The following ACVR1C variants were observed in gnomAD, a reference collection of about 807,000 sequenced individuals.
The protein encoded by ACVR1C is activin receptor type-1C.
Under a neutral mutation model 57.9 loss-of-function variants are expected in ACVR1C, and 23 were observed. That is an observed-to-expected ratio of 0.40 (90% CI 0.29 to 0.56). The LOEUF is 0.56. Ranked by LOEUF, ACVR1C falls within the 20% of genes least tolerant of loss-of-function variation. The probability of loss-of-function intolerance (pLI) is 0.50; values close to 1 mark genes in which losing one functional copy is unlikely to be tolerated. For missense variants in ACVR1C, 480 were observed against 607.9 expected (o/e 0.79, Z 2.21); for synonymous variants, 214 against 215.3 (o/e 0.99, Z 0.05).
intron 8 of ACVR1C, among the ~76,000 whole-genome samples, chr2:157,537,328 C>T (rs1307262595): frequency 1.3e-5 from 2 of 151,812 alleles, no homozygotes; most frequent in African/African-American, 4.8e-5. Flanking sequence ...AGTGGATTCA[C>T]TAGTTTTCAT....
chr2:157,589,809 G>T (rs1320775406), intron 1 of ACVR1C, among the ~76,000 whole-genome samples: 2 of 151,842 alleles, frequency 1.3e-5, no homozygotes, highest in African/African-American at 4.8e-5. Context: ...AACCAAAACG[G>T]CATGGTACTG....
At chr2:157,554,911 ATATATATATATGGAATCCCC>A (rs895675989) in intron 3 of ACVR1C, among the ~76,000 whole-genome samples, 14 of 151,358 alleles carry the variant, frequency 9.2e-5, no homozygotes, top group African/African-American at 3.1e-4. Context: ...ATTTCTGGAT[ATATATATATATGGAATCCCC>A]TACCATTTTA....
intron 2 of ACVR1C, among the ~76,000 whole-genome samples, chr2:157,575,237 TC>T (rs2105244451): frequency 6.6e-6 from 1 of 151,844 alleles, no homozygotes; most frequent in African/African-American, 2.4e-5. Flanking sequence ...CAAGCGATTC[TC>T]CTGTCTCAGC....
intron 3 of ACVR1C, among the ~76,000 whole-genome samples, chr2:157,554,093 G>A (rs1045952912): frequency 1.3e-5 from 2 of 150,204 alleles, no homozygotes; most frequent in Non-Finnish European, 1.5e-5. Context: ...TCAGGTAGGA[G>A]AATCACTTGA....
rs764737212 is a variant in ACVR1C at position 157,544,626 on chromosome 2, G to T, written c.776-14C>A. 1.3e-6 allele frequency: 2 copies of T among 1,592,182 alleles called. No individual in the cohort carries two copies. The highest frequency in any genetic ancestry group is 1.7e-6 in the Non-Finnish European group (2 of 1,165,812). On this transcript the variant is annotated splice_polypyrimidine_tract_variant and intron_variant, in intron 4 of 8. Coordinates refer to ENST00000243349, the MANE Select transcript of ACVR1C (RefSeq NM_145259.3). ...AAGTTCCATTATCTAACAAGAAAATGTAATTTTGTTGTTGTAAATACATAT... is the reference window on the plus strand; with the variant it reads ...AAGTTCCATTATCTAACAAGAAAATTTAATTTTGTTGTTGTAAATACATAT...
At chr2:157,595,362 A>T (rs1682067707) in intron 1 of ACVR1C, among the ~76,000 whole-genome samples, 1 of 152,168 alleles carries the variant, frequency 6.6e-6, no homozygotes, top group Admixed American at 6.5e-5. Context: ...TTGTTTCCTT[A>T]GGGAGGATAC....
At chr2:157,550,064 T>G in intron 4 of ACVR1C, 98 bp downstream of exon 4, 1 of 1,037,742 alleles carries the variant, frequency 9.6e-7, no homozygotes, top group Non-Finnish European at 1.4e-6. Flanking sequence ...GTGAATTTAT[T>G]TTTTCTTATC....
intron 2 of ACVR1C, among the ~76,000 whole-genome samples, chr2:157,583,074 T>C (rs774757521): frequency 1.3e-5 from 2 of 152,052 alleles, no homozygotes; most frequent in African/African-American, 2.4e-5. Context: ...TTGGCCAGGC[T>C]GGTCTCATAC....
intron 2 of ACVR1C, among the ~76,000 whole-genome samples, chr2:157,577,981 C>A (rs1160469783): frequency 6.6e-6 from 1 of 152,160 alleles, no homozygotes; most frequent in African/African-American, 2.4e-5. Flanking sequence ...CGGCTCACTG[C>A]ATCCTTGACT....
chr2:157,564,236 C>T (rs892853519), intron 2 of ACVR1C, among the ~76,000 whole-genome samples: 1 of 152,044 alleles, frequency 6.6e-6, no homozygotes, highest in African/African-American at 2.4e-5. Context: ...GTCCAGTATC[C>T]AGAATCTACA....
chr2:157,541,234 T>G lies in ACVR1C; in HGVS notation c.1101-20A>C. On this transcript the variant is annotated intron_variant, in intron 6 of 8. Transcript: ENST00000243349. The stretch of plus-strand genomic sequence containing the variant: ...ATATACCTTCAAAAACATGTACATT[T>G]CAGATTCTGTCTATGACTTTATAGC... The G allele has an allele frequency of 6.2e-7, 1 of 1,607,438 alleles. No individual in the cohort carries two copies. Among genetic ancestry groups the G allele is most frequent in the Non-Finnish European group, 8.5e-7 (1 of 1,177,640 alleles).
chr2:157,617,165 T>A (rs1183891069), intron 1 of ACVR1C, among the ~76,000 whole-genome samples: 2 of 151,948 alleles, frequency 1.3e-5, no homozygotes, highest in East Asian at 1.9e-4. Flanking sequence ...ACTATTAGAG[T>A]AGACTTCCAG....
rs55920843 is a variant in ACVR1C, at chr2:157,556,189, T to G, written c.448A>C (p.Asn150His). Reference protein sequence around the residue: ...QCSYRKKKRPNVEEPLSECNL... With the variant: ...QCSYRKKKRPHVEEPLSECNL... ...CACTCAGAGAGTGGTTCCTCCACAT[T>G]TGGTCTCTTTTTCTTCCTGTAGGAG... The change falls in exon 3 of 9, where the codon AAT becomes CAT. Residue 150 changes from asparagine (N) to histidine (H), a missense_variant. Physicochemically the swap from Asn to His is moderately conservative, Grantham distance 68. Transcript: ENST00000243349. The G allele has an allele frequency of 9.0e-3, 14,476 of 1,614,074 alleles. 85 individuals carry two copies. Among genetic ancestry groups the G allele is most frequent in the Non-Finnish European group, 0.011 (13,289 of 1,179,948 alleles).
At chr2:157,576,327 T>C (rs1257148780) in intron 2 of ACVR1C, among the ~76,000 whole-genome samples, 2 of 148,600 alleles carry the variant, frequency 1.3e-5, no homozygotes, top group African/African-American at 5.0e-5. Context: ...TGCCTCAGCC[T>C]CCTGAGTAGC....
intron 1 of ACVR1C, among the ~76,000 whole-genome samples, chr2:157,588,848 CATATATATATATATATATAT>C (rs71402394): frequency 1.1e-5 from 1 of 89,094 alleles, no homozygotes; most frequent in Admixed American, 1.2e-4. Context: ...ACAAACACAC[CATATATATATATATATATAT>C]ATATATATAT....
intron 1 of ACVR1C, among the ~76,000 whole-genome samples, chr2:157,613,527 G>C (rs1045127301): frequency 6.6e-6 from 1 of 152,116 alleles, no homozygotes; most frequent in Non-Finnish European, 1.5e-5. Context: ...AGGGCCAACT[G>C]TATAGGATTC....
chr2:157,604,560 A>T, intron 1 of ACVR1C, among the ~76,000 whole-genome samples: 1 of 152,070 alleles, frequency 6.6e-6, no homozygotes. Flanking sequence ...TTTTAGGTAA[A>T]GTAAGTTTTA....
chr2:157,626,741 A>G (rs1682904443), intron 1 of ACVR1C, among the ~76,000 whole-genome samples: 2 of 152,258 alleles, frequency 1.3e-5, no homozygotes, highest in Admixed American at 1.3e-4. Context: ...AATAAATACT[A>G]TAAGTAGCAA....
At chr2:157,587,792 T>C (rs1468585278) in intron 1 of ACVR1C, among the ~76,000 whole-genome samples, 1 of 152,066 alleles carries the variant, frequency 6.6e-6, no homozygotes, top group Non-Finnish European at 1.5e-5. Context: ...GCAATACTCA[T>C]AGAACATTAA....
Sources: gnomAD v4.1 joint callset for allele counts (sites outside exome capture counted in the v4.1 genomes callset) on GRCh38, gnomAD v4.1.1 for gene constraint, MANE v1.5 for transcripts, NCBI Gene and HGNC (gene_info 2026-07-23, HGNC 2026-07-21) for gene names.